Variants in NRIP3 observed in about 807,000 individuals in gnomAD.
NRIP3 encodes nuclear receptor interacting protein 3.
NRIP3 carries 31 observed loss-of-function variants against 29.0 expected under a neutral mutation model. The ratio of observed to expected loss-of-function variants is 1.07; its 90% CI spans 0.80 to 1.44. NRIP3 has a LOEUF of 1.44. NRIP3 is among the 40% of genes most tolerant of loss of function. The pLI, the probability that NRIP3 is intolerant of heterozygous loss-of-function variation, is 0.00. For missense variants in NRIP3, 314 were observed against 297.9 expected (o/e 1.05, Z -0.40); for synonymous variants, 131 against 118.3 (o/e 1.11, Z -0.70).
intron 1 of NRIP3, among the ~76,000 whole-genome samples, chr11:8,993,795 C>A (rs914002783): frequency 9.3e-5 from 11 of 118,734 alleles, no homozygotes; most frequent in Admixed American, 2.1e-4. Context: ...GGCAACAAAG[C>A]GAGACCCTGC....
rs1449600841 is a variant in NRIP3, at chr11:8,983,872, C to T, written c.710+3G>A. 1.9e-6 allele frequency: 3 copies of T among 1,613,180 alleles called. No homozygotes were observed. Among genetic ancestry groups the T allele is most frequent in the Non-Finnish European group, 1.7e-6 (2 of 1,179,224 alleles). On this transcript the variant is annotated splice_donor_region_variant and intron_variant, in intron 6 of 6. Transcript: ENST00000309166. Reference sequence around the variant, plus strand: ...ACTTGATCTGACCCATTTGGGCACTCACTTGTCTTCATTCAAAGAGACTGT... The same window carrying T: ...ACTTGATCTGACCCATTTGGGCACTTACTTGTCTTCATTCAAAGAGACTGT...
rs143750576 is a variant in NRIP3 at position 9,002,596 on chromosome 11, T to TGA, written c.174+1165_174+1166insTC. Among the ~76,000 whole-genome samples the TGA allele has an allele frequency of 6.9e-5, 7 of 101,242 alleles. 1 individual carries two copies. The highest frequency in any genetic ancestry group is 2.8e-4 in the African/African-American group (7 of 25,370). 66.4% of individuals were successfully genotyped at this position (101,242 alleles called of 152,430 possible). A position where few individuals can be genotyped will look rare whatever the true frequency, so the allele number is the denominator to read the frequency against. On this transcript the variant is annotated intron_variant, in intron 1 of 6. Coordinates refer to ENST00000309166, the MANE Select transcript of NRIP3 (RefSeq NM_020645.3). ...CTGTGTATCATTAGAGCTGTTAAATTAAAAAAAAAAAAAAAAAAAAAAGGA... is the reference window on the plus strand; with the variant it reads ...CTGTGTATCATTAGAGCTGTTAAATTGAAAAAAAAAAAAAAAAAAAAAAAGGA...
At chr11:8,991,950 G>A (rs962392493) in intron 1 of NRIP3, among the ~76,000 whole-genome samples, 4 of 152,140 alleles carry the variant, frequency 2.6e-5, no homozygotes, top group Admixed American at 6.5e-5. Context: ...GACCACTATG[G>A]TTACCTTCTC....
chr11:8,998,509 T>C (rs1031771496), intron 1 of NRIP3, among the ~76,000 whole-genome samples: 1 of 152,206 alleles, frequency 6.6e-6, no homozygotes, highest in Non-Finnish European at 1.5e-5. Flanking sequence ...AAGCACACTC[T>C]AGAGGCAGCC....
intron 1 of NRIP3, among the ~76,000 whole-genome samples, chr11:9,000,293 G>A (rs1034785517): frequency 6.6e-6 from 1 of 152,126 alleles, no homozygotes; most frequent in African/African-American, 2.4e-5. Context: ...CCAGATCTTG[G>A]TGTTATACTG....
In NRIP3 at chr11:8,980,810, A is replaced by C. The variant is rs1039081254; in HGVS notation, c.*2735T>G. ...ATAGACACTTTGAGCTAAGAAATAG[A>C]AAATTGTACCAGGTAGGGTCTGTGC... On this transcript the variant is annotated 3_prime_UTR_variant, in exon 7 of 7. Transcript: ENST00000309166. 3 of 152,252 alleles carry C rather than the reference A, an allele frequency of 2.0e-5. No homozygotes were observed. Among genetic ancestry groups the C allele is most frequent in the African/African-American group, 7.2e-5 (3 of 41,462 alleles). 9.4% of individuals were successfully genotyped at this position (152,252 alleles called of 1,614,324 possible).
intron 1 of NRIP3, among the ~76,000 whole-genome samples, chr11:8,992,193 G>A (rs1041702539): frequency 6.6e-6 from 1 of 152,246 alleles, no homozygotes; most frequent in East Asian, 1.9e-4. Context: ...GTTGAAGGAT[G>A]CAATTAGGGT....
intron 1 of NRIP3, among the ~76,000 whole-genome samples, chr11:8,989,772 C>T (rs1164028111): frequency 2.6e-5 from 4 of 152,078 alleles, no homozygotes; most frequent in East Asian, 1.9e-4. Context: ...ATGTTTCATT[C>T]GAATCTCTCT....
intron 1 of NRIP3, among the ~76,000 whole-genome samples, chr11:8,993,457 T>G (rs747472226): frequency 6.6e-5 from 10 of 152,290 alleles, no homozygotes; most frequent in Admixed American, 6.5e-4. Flanking sequence ...AATGTTAGTA[T>G]AATAGAAGAG....
chr11:8,985,646 T>C (rs1358340347), intron 4 of NRIP3, 65 bp downstream of exon 4: 2 of 1,556,082 alleles, frequency 1.3e-6, no homozygotes, highest in Non-Finnish European at 1.7e-6. Context: ...TGACATGAGG[T>C]TTTGTTGGGG....
intron 1 of NRIP3, among the ~76,000 whole-genome samples, chr11:8,996,217 C>T (rs1433287557): frequency 6.7e-6 from 1 of 149,600 alleles, no homozygotes; most frequent in African/African-American, 2.5e-5. Flanking sequence ...ATCCTCAGCT[C>T]TTGACATAGT....
intron 1 of NRIP3, among the ~76,000 whole-genome samples, chr11:8,990,637 C>G (rs959489587): frequency 4.6e-5 from 7 of 151,860 alleles, no homozygotes; most frequent in Admixed American, 3.9e-4. Flanking sequence ...AGAAAAAATA[C>G]AAAAATTGGC....
chr11:9,001,518 T>C (rs373161174), intron 1 of NRIP3, among the ~76,000 whole-genome samples: 1 of 152,320 alleles, frequency 6.6e-6, no homozygotes, highest in East Asian at 1.9e-4. Flanking sequence ...CTCCCTTTTC[T>C]TGGACTCCTT....
intron 6 of NRIP3, 63 bp downstream of exon 6, chr11:8,983,812 A>AC: frequency 7.3e-7 from 1 of 1,374,616 alleles, no homozygotes; most frequent in Non-Finnish European, 1.0e-6. Flanking sequence ...GAGAACCACC[A>AC]CCACCCTGCT....
intron 1 of NRIP3, among the ~76,000 whole-genome samples, chr11:8,992,132 C>T (rs946376774): frequency 3.3e-5 from 5 of 152,170 alleles, no homozygotes; most frequent in African/African-American, 1.2e-4. Flanking sequence ...AGTTGTACTA[C>T]TCAAACTAAA....
Position 8,982,137 on chromosome 11 carries a change from G to C in NRIP3, c.*1408C>G, listed in dbSNP as rs1854425035. The C allele has an allele frequency of 6.6e-6, 1 of 152,192 alleles. No individual in the cohort carries two copies. The highest frequency in any genetic ancestry group is 1.5e-5 in the Non-Finnish European group (1 of 68,048). The allele number at this position is 152,192 out of a possible 1,614,324, so 9.4% of individuals were successfully genotyped here. A position where few individuals can be genotyped will look rare whatever the true frequency, so the allele number is the denominator to read the frequency against. ...TTCTGACTTGTCCAAGCACTTCTAT[G>C]ACCAAACTGAAGGGGAGATTCCATT... On this transcript the variant is annotated 3_prime_UTR_variant, in exon 7 of 7. Transcript: ENST00000309166.
At chr11:8,987,432 T>C (rs1854535769) in intron 3 of NRIP3, 116 bp downstream of exon 3, 1 of 787,940 alleles carries the variant, frequency 1.3e-6, no homozygotes, top group Middle Eastern at 2.3e-4. Context: ...AGATCTGAAC[T>C]CTGCATACTT....
At chr11:9,003,653 G>C (rs1854852524) in intron 1 of NRIP3, 109 bp downstream of exon 1, 2 of 1,115,472 alleles carry the variant, frequency 1.8e-6, no homozygotes, top group Non-Finnish European at 2.4e-6. Flanking sequence ...CGAGCCAAGG[G>C]CAGCGGCGGG....
At chr11:9,002,941 T>C (rs890481142) in intron 1 of NRIP3, among the ~76,000 whole-genome samples, 5 of 152,208 alleles carry the variant, frequency 3.3e-5, no homozygotes, top group African/African-American at 1.2e-4. Flanking sequence ...GTTCTTTATA[T>C]TGGTAACCCT....
Sources: allele counts gnomAD v4.1 joint callset (sites outside exome capture counted in the v4.1 genomes callset), GRCh38; gene constraint gnomAD v4.1.1; transcripts MANE v1.5; gene names NCBI Gene and HGNC (gene_info 2026-07-23, HGNC 2026-07-21).